AFG2A: variants seen among roughly 807,000 people sequenced by gnomAD.
AFG2A encodes the protein ATPase family gene 2 protein homolog A.
At chr4:123,257,162 T>C in the AFG2A span, among the ~76,000 whole-genome samples, 1 of 152,174 alleles carries the variant, frequency 6.6e-6, no homozygotes, top group Non-Finnish European at 1.5e-5. Flanking sequence ...GAACTTAGTG[T>C]ATCATGCAGT....
the AFG2A span, among the ~76,000 whole-genome samples, chr4:123,252,083 G>A: frequency 0.022 from 3,337 of 152,214 alleles, 65 homozygotes; most frequent in Non-Finnish European, 0.035. Flanking sequence ...GTTTCTCCTA[G>A]ATATTTTTAT....
At chr4:123,067,256 C>T in the AFG2A span, among the ~76,000 whole-genome samples, 5 of 152,216 alleles carry the variant, frequency 3.3e-5, no homozygotes, top group East Asian at 9.6e-4. Flanking sequence ...CGGTGACTCA[C>T]ACCTGTAATC....
chr4:122,988,404 T>TC, the AFG2A span, among the ~76,000 whole-genome samples: 1 of 145,688 alleles, frequency 6.9e-6, no homozygotes, highest in Non-Finnish European at 1.5e-5. Context: ...ATTCTTTCTT[T>TC]TTTTTTTTTT....
the AFG2A span, among the ~76,000 whole-genome samples, chr4:123,263,458 C>A: frequency 6.6e-6 from 1 of 151,942 alleles, no homozygotes; most frequent in South Asian, 2.1e-4. Flanking sequence ...GTTATTGTCA[C>A]TAAATAAACA....
At chr4:123,032,395 C>CT in the AFG2A span, among the ~76,000 whole-genome samples, 29 of 149,714 alleles carry the variant, frequency 1.9e-4, no homozygotes, top group South Asian at 6.4e-4. Context: ...AATTTTAATC[C>CT]TTTTTTTTTT....
chr4:123,207,545 G>A, the AFG2A span, among the ~76,000 whole-genome samples: 3 of 151,990 alleles, frequency 2.0e-5, no homozygotes, highest in Admixed American at 6.6e-5. Context: ...GGGTGGTCTC[G>A]AACTCCTGGA....
chr4:123,113,209 T>A, the AFG2A span, among the ~76,000 whole-genome samples: 1 of 152,216 alleles, frequency 6.6e-6, no homozygotes, highest in Non-Finnish European at 1.5e-5. Context: ...AAAAAGATGA[T>A]CTTTCCAAAA....
the AFG2A span, among the ~76,000 whole-genome samples, chr4:123,195,244 T>G: frequency 6.6e-6 from 1 of 152,226 alleles, no homozygotes; most frequent in Non-Finnish European, 1.5e-5. Flanking sequence ...CTGTTGTCCA[T>G]ACTATCCACG....
the AFG2A span, among the ~76,000 whole-genome samples, chr4:122,956,851 A>G: frequency 2.6e-5 from 4 of 152,328 alleles, no homozygotes; most frequent in South Asian, 6.2e-4. Context: ...TCTTAACTTT[A>G]TATAGCAGAA....
chr4:123,050,437 G>C, the AFG2A span, among the ~76,000 whole-genome samples: 1 of 152,166 alleles, frequency 6.6e-6, no homozygotes, highest in Non-Finnish European at 1.5e-5. Flanking sequence ...ATTGCAGTCT[G>C]TCTCTCTCGA....
chr4:123,275,081 G>A, the AFG2A span, among the ~76,000 whole-genome samples: 2 of 152,070 alleles, frequency 1.3e-5, no homozygotes, highest in African/African-American at 2.4e-5. Context: ...GCAGACCCTT[G>A]AGTGATTGTC....
chr4:122,966,950 G>A, the AFG2A span, among the ~76,000 whole-genome samples: 2 of 152,068 alleles, frequency 1.3e-5, no homozygotes, highest in Admixed American at 1.3e-4. Flanking sequence ...TGAAAAGAGT[G>A]CCCATGAAAG....
the AFG2A span, among the ~76,000 whole-genome samples, chr4:123,016,714 C>CG: frequency 1.9e-4 from 29 of 149,886 alleles, no homozygotes; most frequent in Non-Finnish European, 3.3e-4. Flanking sequence ...ACTTCCCAGA[C>CG]GGGGTGGCGG....
the AFG2A span, among the ~76,000 whole-genome samples, chr4:122,987,198 C>A: frequency 6.6e-6 from 1 of 151,794 alleles, no homozygotes; most frequent in African/African-American, 2.4e-5. Flanking sequence ...GCTATTTATG[C>A]AAATAGCAAT....
the AFG2A span, among the ~76,000 whole-genome samples, chr4:123,279,291 C>T: frequency 1.3e-5 from 2 of 152,070 alleles, no homozygotes; most frequent in Non-Finnish European, 2.9e-5. Context: ...TGGCAGGCAC[C>T]TGTAATCCCA....
the AFG2A span, among the ~76,000 whole-genome samples, chr4:123,080,250 A>C: frequency 5.9e-5 from 9 of 152,316 alleles, no homozygotes; most frequent in Admixed American, 5.9e-4. Context: ...ATAACAGGAG[A>C]TAGCAGAGAG....
chr4:123,274,808 T>C, the AFG2A span, among the ~76,000 whole-genome samples: 14 of 152,106 alleles, frequency 9.2e-5, no homozygotes, highest in African/African-American at 3.1e-4. Flanking sequence ...TTACCAGAGT[T>C]CTGACAACAC....
the AFG2A span, chr4:122,947,589 CT>C: frequency 7.7e-7 from 1 of 1,298,084 alleles, no homozygotes; most frequent in Non-Finnish European, 1.0e-6. Context: ...ATGGAAGTAG[CT>C]TTGTTTCTAA....
chr4:123,292,363 G>A, the AFG2A span, among the ~76,000 whole-genome samples: 1 of 151,900 alleles, frequency 6.6e-6, no homozygotes, highest in Non-Finnish European at 1.5e-5. Context: ...TTTTTATCTG[G>A]CATTTCAAAG....
Sources: gnomAD v4.1 joint callset for allele counts (sites outside exome capture counted in the v4.1 genomes callset) on GRCh38, gnomAD v4.1.1 for gene constraint, MANE v1.5 for transcripts, NCBI Gene and HGNC (gene_info 2026-07-23, HGNC 2026-07-21) for gene names.